TPCN2: variants seen among roughly 807,000 people sequenced by gnomAD.
The protein encoded by TPCN2 is two pore channel protein 2.
TPCN2 carries 92 observed loss-of-function variants against 111.4 expected under a neutral mutation model. The ratio of observed to expected loss-of-function variants is 0.83; its 90% CI spans 0.70 to 0.98. The LOEUF is 0.98. TPCN2 is among the 50% of genes least tolerant of loss of function. The pLI, the probability that TPCN2 is intolerant of heterozygous loss-of-function variation, is 0.00. For synonymous variants in TPCN2, 405 were observed against 414.5 expected (o/e 0.98, Z 0.28); for missense variants, 995 against 980.1 (o/e 1.02, Z -0.20).
At chr11:69,049,576 C>T (rs1861122284) in intron 1 of TPCN2, among the ~76,000 whole-genome samples, 1 of 152,256 alleles carries the variant, frequency 6.6e-6, no homozygotes, top group Admixed American at 6.5e-5. Flanking sequence ...TACCCAAGGT[C>T]ACACACCCAG....
At chr11:69,076,513 G>A (rs906656150) in intron 13 of TPCN2, among the ~76,000 whole-genome samples, 2 of 151,952 alleles carry the variant, frequency 1.3e-5, no homozygotes, top group Non-Finnish European at 2.9e-5. Context: ...GATCCACCCC[G>A]TAGCATCCGG....
chr11:69,057,640 GC>G lies in TPCN2; in HGVS notation c.493del (p.Leu165TrpfsTer12). 2 of 1,614,238 alleles carry G rather than the reference GC, an allele frequency of 1.2e-6. No individual in the cohort carries two copies. The highest frequency in any genetic ancestry group is 1.7e-6 in the Non-Finnish European group (2 of 1,180,036). On this transcript the variant is annotated frameshift_variant, in exon 5 of 25. Coordinates refer to ENST00000294309, the MANE Select transcript of TPCN2 (RefSeq NM_139075.4). LOFTEE classifies it high-confidence loss of function. Reference sequence around the variant, plus strand: ...TTTGGCTGCTGGGCTACCTCGTGGTGCTGGTGGTGTCTCTGGTGGACTGGAC... The same window carrying G: ...TTTGGCTGCTGGGCTACCTCGTGGTGTGGTGGTGTCTCTGGTGGACTGGAC... ...NLWLLGYLVV[L>X]VVSLVDWTVS...
In TPCN2 at chr11:69,078,510, C is replaced by T. The variant is rs751510479; in HGVS notation, c.1259C>T (p.Pro420Leu). The T allele has an allele frequency of 2.0e-5, 32 of 1,614,032 alleles. No individual in the cohort carries two copies. Among genetic ancestry groups the T allele is most frequent in the Middle Eastern group, 1.6e-4 (1 of 6,084 alleles). ...EHPPRPEYQS[P>L]FLQSAQFLFG... Reference sequence around the variant, plus strand: ...CCGCCGAGGCCCGAGTACCAGTCTCCGTTTCTGCAGAGCGCCCAGTTCCTC... The same window carrying T: ...CCGCCGAGGCCCGAGTACCAGTCTCTGTTTCTGCAGAGCGCCCAGTTCCTC... The change falls in exon 14 of 25, where the codon CCG becomes CTG. Residue 420 changes from proline (P) to leucine (L), a missense_variant. Coordinates refer to ENST00000294309, the MANE Select transcript of TPCN2 (RefSeq NM_139075.4).
At chr11:69,086,067 C>T in intron 22 of TPCN2, 137 bp downstream of exon 22, 1 of 823,058 alleles carries the variant, frequency 1.2e-6, no homozygotes, top group Non-Finnish European at 2.0e-6. Flanking sequence ...GGAAGTCGGC[C>T]AGCGTGGCAT....
intron 17 of TPCN2, 80 bp downstream of exon 17, chr11:69,079,963 T>A: frequency 7.3e-7 from 1 of 1,377,102 alleles, no homozygotes; most frequent in Non-Finnish European, 1.0e-6. Context: ...CTCAGTGGTG[T>A]CCAGGGGGCT....
intron 19 of TPCN2, 54 bp downstream of exon 19, chr11:69,084,070 G>C: frequency 6.3e-7 from 1 of 1,578,296 alleles, no homozygotes; most frequent in African/African-American, 1.3e-5. Flanking sequence ...GGGAGGCTGG[G>C]AGGCTGGCGG....
chr11:69,081,231 C>G (rs1855994111), intron 17 of TPCN2, among the ~76,000 whole-genome samples, 169 bp from the exon 18 acceptor site: 1 of 152,124 alleles, frequency 6.6e-6, no homozygotes, highest in Non-Finnish European at 1.5e-5. Context: ...AGGCCCCGCC[C>G]TCTCGCCACC....
Position 69,062,781 on chromosome 11 carries a change from C to T in TPCN2, c.547-103C>T, listed in dbSNP as rs1334552484. On this transcript the variant is annotated intron_variant, in intron 5 of 24. Coordinates refer to ENST00000294309, the MANE Select transcript of TPCN2 (RefSeq NM_139075.4). ...TGGGCTCAGTGACTCTGGAGTGGCC[C>T]CCAGGGCACTGGGGTCTCTGAACCG... 3 of 1,114,758 alleles carry T rather than the reference C, an allele frequency of 2.7e-6. No individual in the cohort carries two copies. The African/African-American group carries it at 4.6e-5, about 17-fold the overall frequency. 69.1% of individuals were successfully genotyped at this position (1,114,758 alleles called of 1,614,324 possible).
At chr11:69,049,885 A>G (rs921457116) in intron 1 of TPCN2, among the ~76,000 whole-genome samples, 4 of 151,904 alleles carry the variant, frequency 2.6e-5, no homozygotes, top group South Asian at 4.2e-4. Flanking sequence ...GCTTCACTTC[A>G]CAGATGAGGA....
At chr11:69,076,696 TCCTGCCGTGTCCCTCCA>T (rs1565091252) in intron 13 of TPCN2, among the ~76,000 whole-genome samples, 18 of 41,228 alleles carry the variant, frequency 4.4e-4, no homozygotes, top group Non-Finnish European at 5.4e-4. Flanking sequence ...CCACCTGCCC[TCCTGCCGTGTCCCTCCA>T]CCTGCCCTCC....
In TPCN2 at chr11:69,088,543, C is replaced by T. The variant is rs905317016; in HGVS notation, c.*590C>T. On this transcript the variant is annotated 3_prime_UTR_variant, in exon 25 of 25. Coordinates refer to ENST00000294309, the MANE Select transcript of TPCN2 (RefSeq NM_139075.4). Reference sequence around the variant, plus strand: ...TCACTTCAGCACAGTTCTAGTCCTGCTTCTCTGGAGTAGGGTTGTTGAGTA... The same window carrying T: ...TCACTTCAGCACAGTTCTAGTCCTGTTTCTCTGGAGTAGGGTTGTTGAGTA... The T allele has an allele frequency of 1.3e-5, 2 of 152,990 alleles. No homozygotes were observed. The highest frequency in any genetic ancestry group is 4.8e-5 in the African/African-American group (2 of 41,432). The allele number at this position is 152,990 out of a possible 1,614,324, so 9.5% of individuals were successfully genotyped here. A position where few individuals can be genotyped will look rare whatever the true frequency, so the allele number is the denominator to read the frequency against.
intron 19 of TPCN2, chr11:69,084,829 A>G (rs887817568): frequency 3.1e-6 from 3 of 983,380 alleles, no homozygotes; most frequent in Non-Finnish European, 3.6e-6. Context: ...ACAGCAGAGG[A>G]AACTGAGGCC....
Position 69,082,749 on chromosome 11 carries a change from C to T in TPCN2, c.1690-1196C>T, listed in dbSNP as rs1226408442. On this transcript the variant is annotated intron_variant, in intron 18 of 24. Coordinates refer to ENST00000294309, the MANE Select transcript of TPCN2 (RefSeq NM_139075.4). ...CATGTGAACTCGTGCCCGTGTAAGA[C>T]GCATGATCGTGTGTGCACACATCGC... 8.7e-4 allele frequency among the ~76,000 whole-genome samples: 36 copies of T among 41,360 alleles called. 5 individuals are homozygous for T. Among genetic ancestry groups the T allele is most frequent in the Non-Finnish European group, 1.8e-3 (31 of 17,630 alleles). The allele number at this position is 41,360 out of a possible 152,430, so 27.1% of individuals were successfully genotyped here.
intron 20 of TPCN2, 68 bp downstream of exon 20, chr11:69,085,354 G>A (rs530530742): frequency 9.1e-6 from 13 of 1,434,254 alleles, no homozygotes; most frequent in Admixed American, 3.3e-5. Flanking sequence ...AAGCCTTGGC[G>A]GTGGCCTCAG....
chr11:69,051,551 C>G (rs985326182), intron 1 of TPCN2, among the ~76,000 whole-genome samples: 1 of 152,190 alleles, frequency 6.6e-6, no homozygotes, highest in Non-Finnish European at 1.5e-5. Flanking sequence ...AACAGGGGAG[C>G]GGGAGCTCAG....
chr11:69,073,877 C>G (rs2134596175), intron 13 of TPCN2, among the ~76,000 whole-genome samples: 1 of 152,294 alleles, frequency 6.6e-6, no homozygotes, highest in East Asian at 1.9e-4. Flanking sequence ...AGGCCTCTCT[C>G]CATGGCTGTA....
chr11:69,084,613 G>C (rs574329943), intron 19 of TPCN2: 1 of 985,432 alleles, frequency 1.0e-6, no homozygotes, highest in East Asian at 1.1e-4. Context: ...GACAGGAGGC[G>C]CCCTTTGCAG....
At chr11:69,052,180 G>A (rs182664055) in intron 1 of TPCN2, among the ~76,000 whole-genome samples, 19 of 152,254 alleles carry the variant, frequency 1.2e-4, no homozygotes, top group African/African-American at 4.6e-4. Flanking sequence ...GTGGTCCTGG[G>A]GCTGGAGTGA....
chr11:69,055,956 T>TG (rs1854745583), intron 4 of TPCN2, among the ~76,000 whole-genome samples: 1 of 152,240 alleles, frequency 6.6e-6, no homozygotes, highest in South Asian at 2.1e-4. Flanking sequence ...AGCTGCTGCA[T>TG]GTTTGACTCT....
Sources: allele counts gnomAD v4.1 joint callset (sites outside exome capture counted in the v4.1 genomes callset), GRCh38; gene constraint gnomAD v4.1.1; transcripts MANE v1.5; gene names NCBI Gene and HGNC (gene_info 2026-07-23, HGNC 2026-07-21).